HERPUD2: variants seen among roughly 807,000 people sequenced by gnomAD.
The protein encoded by HERPUD2 is homocysteine-responsive endoplasmic reticulum-resident ubiquitin-like domain member 2 protein.
A neutral mutation model predicts 49.9 loss-of-function variants in HERPUD2; 13 were observed. The ratio of observed to expected loss-of-function variants is 0.26; its 90% confidence interval spans 0.17 to 0.41. The LOEUF (loss-of-function observed/expected upper bound fraction) is 0.41. Among genes scored for constraint, HERPUD2 ranks in the 10% least tolerant of loss-of-function variants. The pLI, the probability that HERPUD2 is intolerant of heterozygous loss-of-function variation, is 1.00. For synonymous variants in HERPUD2, 172 were observed against 171.4 expected (o/e 1.00, Z -0.03); for missense variants, 449 against 492.2 (o/e 0.91, Z 0.83).
chr7:35,672,797 T>C (rs1583561607), intron 3 of HERPUD2, among the ~76,000 whole-genome samples: 1 of 152,174 alleles, frequency 6.6e-6, no homozygotes, highest in East Asian at 1.9e-4. Flanking sequence ...AATTTCCTCC[T>C]GAAATTAAAC....
At chr7:35,650,390 C>A (rs1785138724) in intron 5 of HERPUD2, among the ~76,000 whole-genome samples, 1 of 152,086 alleles carries the variant, frequency 6.6e-6, no homozygotes, top group Non-Finnish European at 1.5e-5. Context: ...CAAGAGAGAC[C>A]CTTAATGCAC....
In HERPUD2 at chr7:35,673,233, C is replaced by T. The variant is rs757479703; in HGVS notation, c.193G>A (p.Asp65Asn). Residue 65 changes from aspartate to asparagine, a missense_variant, in exon 3 of 9, where the codon GAT becomes AAT. Coordinates refer to ENST00000311350, the MANE Select transcript of HERPUD2 (RefSeq NM_022373.5). ...RLVYSGRLLP[D>N]HLQLKDILRK... ...AGAATGTCTTTCAGCTGCAGATGAT[C>T]GGGAAGCAGTCTGCCCGAATACACC... 5 of 1,611,724 alleles carry T rather than the reference C, an allele frequency of 3.1e-6. No individual in the cohort carries two copies. Among genetic ancestry groups the T allele is most frequent in the African/African-American group, 2.7e-5 (2 of 74,826 alleles).
intron 5 of HERPUD2, among the ~76,000 whole-genome samples, chr7:35,652,760 C>A (rs1413501853): frequency 2.0e-5 from 3 of 151,824 alleles, no homozygotes; most frequent in Non-Finnish European, 4.4e-5. Flanking sequence ...GCCAAGGATA[C>A]TATACCCAGC....
chr7:35,656,965 C>T (rs1192823213), intron 5 of HERPUD2, among the ~76,000 whole-genome samples: 2 of 151,870 alleles, frequency 1.3e-5, no homozygotes, highest in East Asian at 1.9e-4. Context: ...AAAAATTTTA[C>T]GGCTAAGACA....
chr7:35,681,823 G>A (rs1195867242), intron 2 of HERPUD2, among the ~76,000 whole-genome samples: 1 of 152,094 alleles, frequency 6.6e-6, no homozygotes, highest in Non-Finnish European at 1.5e-5. Context: ...ACAGAAAGTA[G>A]ATTAGCACAC....
At chr7:35,663,734 T>C (rs1310794581) in intron 5 of HERPUD2, among the ~76,000 whole-genome samples, 1 of 152,176 alleles carries the variant, frequency 6.6e-6, no homozygotes, top group East Asian at 1.9e-4. Flanking sequence ...TGCCTTTTTT[T>C]TGTTTTCCAT....
chr7:35,683,711 A>G (rs376056601), intron 2 of HERPUD2, among the ~76,000 whole-genome samples: 2 of 152,198 alleles, frequency 1.3e-5, no homozygotes, highest in African/African-American at 4.8e-5. Context: ...AACTCAAACA[A>G]ATCAACAAGA....
chr7:35,635,101 A>G (rs1784848142), intron 7 of HERPUD2, 34 bp downstream of exon 7: 2 of 1,544,508 alleles, frequency 1.3e-6, no homozygotes, highest in South Asian at 2.2e-5. Flanking sequence ...AGTTGCAGAA[A>G]TTAAACCACA....
chr7:35,674,429 A>G (rs1437698058), intron 2 of HERPUD2, among the ~76,000 whole-genome samples: 1 of 116,556 alleles, frequency 8.6e-6, no homozygotes, highest in Admixed American at 8.7e-5. Flanking sequence ...AGAGAGAGAG[A>G]GAGAGAGAGA....
At chr7:35,637,244 T>TA (rs1480627846) in intron 6 of HERPUD2, among the ~76,000 whole-genome samples, 2 of 151,492 alleles carry the variant, frequency 1.3e-5, no homozygotes, top group East Asian at 1.9e-4. Context: ...GGAAATACAG[T>TA]AAAAAGACTA....
chr7:35,667,474 C>T lies in HERPUD2; in HGVS notation c.454G>A (p.Asp152Asn). Residue 152 changes from aspartate to asparagine, a missense_variant, in exon 5 of 9, where the codon GAC becomes AAC. By Grantham distance (23) the Asp-to-Asn change is conservative. Transcript: ENST00000311350. ...RQRTLPQAQT[D>N]QAQSHQFPYV... Reference sequence around the variant, plus strand: ...GGAAACTGGTGACTCTGTGCTTGGTCAGTTTGTGCTTGTGGAAGGGTACGC... The same window carrying T: ...GGAAACTGGTGACTCTGTGCTTGGTTAGTTTGTGCTTGTGGAAGGGTACGC... 6.2e-7 allele frequency: 1 copy of T among 1,613,874 alleles called. No individual in the cohort carries two copies. Among genetic ancestry groups the T allele is most frequent in the South Asian group, 1.1e-5 (1 of 91,056 alleles).
At chr7:35,634,466 C>G in intron 7 of HERPUD2, 37 bp from the exon 8 acceptor site, 1 of 1,305,792 alleles carries the variant, frequency 7.7e-7, no homozygotes, top group East Asian at 2.3e-5. Flanking sequence ...AAATAAGTCA[C>G]AGTTGTTTTT....
At chr7:35,678,357 G>A (rs1785810318) in intron 2 of HERPUD2, among the ~76,000 whole-genome samples, 1 of 151,852 alleles carries the variant, frequency 6.6e-6, no homozygotes, top group South Asian at 2.1e-4. Context: ...CTGGAGTGCA[G>A]TGGCACGATC....
chr7:35,651,861 A>C (rs1384913975), intron 5 of HERPUD2, among the ~76,000 whole-genome samples: 1 of 152,226 alleles, frequency 6.6e-6, no homozygotes, highest in Non-Finnish European at 1.5e-5. Flanking sequence ...AAATTTACCA[A>C]AGACACAGAT....
intron 5 of HERPUD2, among the ~76,000 whole-genome samples, chr7:35,640,311 C>G (rs1016327314): frequency 6.6e-6 from 1 of 152,094 alleles, no homozygotes. Flanking sequence ...AAATCTCCAC[C>G]AATCTCTATC....
intron 4 of HERPUD2, among the ~76,000 whole-genome samples, chr7:35,669,349 A>C (rs1017476852): frequency 6.6e-6 from 1 of 152,192 alleles, no homozygotes; most frequent in African/African-American, 2.4e-5. Flanking sequence ...GCAGTTAACT[A>C]GTATCTATTG....
chr7:35,685,006 C>A (rs975638253), intron 2 of HERPUD2, among the ~76,000 whole-genome samples: 1 of 152,052 alleles, frequency 6.6e-6, no homozygotes, highest in Non-Finnish European at 1.5e-5. Flanking sequence ...TTTGGGAGGC[C>A]AAAACAGATG....
At chr7:35,678,406 T>C (rs1222085789) in intron 2 of HERPUD2, among the ~76,000 whole-genome samples, 1 of 152,066 alleles carries the variant, frequency 6.6e-6, no homozygotes, top group Non-Finnish European at 1.5e-5. Flanking sequence ...GTTCAAACAA[T>C]TCTCCTGCCT....
chr7:35,668,565 G>A (rs1167875809), intron 4 of HERPUD2: 4 of 154,716 alleles, frequency 2.6e-5, no homozygotes, highest in African/African-American at 9.6e-5. Flanking sequence ...CCTATTGACA[G>A]GATGTCTTTT....
Sources: gnomAD v4.1 joint callset for allele counts (sites outside exome capture counted in the v4.1 genomes callset) on GRCh38, gnomAD v4.1.1 for gene constraint, MANE v1.5 for transcripts, NCBI Gene and HGNC (gene_info 2026-07-23, HGNC 2026-07-21) for gene names.